STK3: variants seen among roughly 807,000 people sequenced by gnomAD.
The protein encoded by STK3 is serine/threonine kinase 3.
A neutral mutation model predicts 58.0 loss-of-function variants in STK3; 41 were observed. The observed-to-expected ratio is 0.71, with a 90% CI of 0.55 to 0.92. The LOEUF is 0.92. Ranked by LOEUF, STK3 falls within the 40% of genes least tolerant of loss-of-function variation. The pLI, the probability that STK3 is intolerant of heterozygous loss-of-function variation, is 0.00. For missense variants in STK3, 479 were observed against 602.7 expected, an observed-to-expected ratio of 0.79 and a Z score of 2.15; for synonymous variants, 170 against 191.0, an observed-to-expected ratio of 0.89 and a Z score of 0.91.
At chr8:98,440,507 C>T (rs1818650749) in intron 1 of STK3, among the ~76,000 whole-genome samples, 1 of 152,154 alleles carries the variant, frequency 6.6e-6, no homozygotes, top group Admixed American at 6.5e-5. Flanking sequence ...AATAGTTCCT[C>T]ATTCCCCAAT....
At chr8:98,905,411 G>A in intron 1 of STK3, 2 of 1,286,394 alleles carry the variant, frequency 1.6e-6, no homozygotes, top group Non-Finnish European at 2.3e-6. Context: ...TGGTACAAGT[G>A]GGACTGATGT....
At chr8:98,429,695 A>C in intron 3 of STK3, 2 of 404,382 alleles carry the variant, frequency 4.9e-6, no homozygotes, top group Non-Finnish European at 4.6e-6. Context: ...GTACACCCAG[A>C]ATGCTAATTT....
chr8:98,344,615 C>T, the STK3 span, among the ~76,000 whole-genome samples: 241 of 124,494 alleles, frequency 1.9e-3, no homozygotes, highest in African/African-American at 5.8e-3. Flanking sequence ...GACCCTCGGC[C>T]GGGCGCGGTG....
intron 1 of STK3, among the ~76,000 whole-genome samples, chr8:98,819,996 C>G (rs1007409187): frequency 1.6e-4 from 25 of 152,140 alleles, no homozygotes; most frequent in African/African-American, 5.8e-4. Context: ...ACAGATGCTA[C>G]AAGTTGATGT....
chr8:98,520,775 T>G (rs1825298964), intron 10 of STK3, among the ~76,000 whole-genome samples: 1 of 152,140 alleles, frequency 6.6e-6, no homozygotes, highest in South Asian at 2.1e-4. Flanking sequence ...TGAGTCATAT[T>G]TTTTAACATT....
At chr8:98,444,491 G>A (rs945402639) in intron 1 of STK3, among the ~76,000 whole-genome samples, 2 of 152,204 alleles carry the variant, frequency 1.3e-5, no homozygotes, top group African/African-American at 4.8e-5. Context: ...GTGATATTCT[G>A]GCAGGAGACA....
chr8:98,840,172 C>A (rs1316249600), intron 3 of STK3, among the ~76,000 whole-genome samples: 1 of 151,768 alleles, frequency 6.6e-6, no homozygotes, highest in South Asian at 2.1e-4. Context: ...CATGGTGAAA[C>A]CCCGTCTCTA....
At chr8:98,835,843 T>C (rs1219152357) in intron 3 of STK3, among the ~76,000 whole-genome samples, 1 of 152,186 alleles carries the variant, frequency 6.6e-6, no homozygotes, top group Non-Finnish European at 1.5e-5. Flanking sequence ...GAGTAGCTGT[T>C]ATTCCTGTTG....
At chr8:98,395,236 TA>T (rs920267921) in intron 3 of STK3, among the ~76,000 whole-genome samples, 231 of 147,012 alleles carry the variant, frequency 1.6e-3, no homozygotes, top group African/African-American at 4.1e-3. Context: ...GGCATCTGAT[TA>T]AAAAAAAAAA....
intron 10 of STK3, among the ~76,000 whole-genome samples, chr8:98,517,457 C>T (rs1001199476): frequency 3.0e-4 from 45 of 152,086 alleles, no homozygotes; most frequent in Middle Eastern, 3.4e-3. Flanking sequence ...AGTAGGCCAA[C>T]AAATATGATA....
At chr8:98,669,862 G>A (rs1396735173) in intron 6 of STK3, among the ~76,000 whole-genome samples, 1 of 152,178 alleles carries the variant, frequency 6.6e-6, no homozygotes, top group East Asian at 1.9e-4. Context: ...AAAGATTAAA[G>A]ATCCCTTTCA....
At chr8:98,667,198 T>G (rs1822430491) in intron 6 of STK3, among the ~76,000 whole-genome samples, 1 of 152,176 alleles carries the variant, frequency 6.6e-6, no homozygotes, top group African/African-American at 2.4e-5. Flanking sequence ...TAAACTCTTT[T>G]ACTCCAACAT....
At chr8:98,505,868 G>A (rs1361970200) in intron 10 of STK3, among the ~76,000 whole-genome samples, 1 of 152,200 alleles carries the variant, frequency 6.6e-6, no homozygotes, top group Non-Finnish European at 1.5e-5. Context: ...CCCACTTGAG[G>A]AGGCAGTCTG....
intron 1 of STK3, among the ~76,000 whole-genome samples, chr8:98,898,907 G>A (rs1338257083): frequency 6.6e-6 from 1 of 152,202 alleles, no homozygotes; most frequent in African/African-American, 2.4e-5. Context: ...GCCACAGCCA[G>A]TAACAAAATC....
intron 1 of STK3, among the ~76,000 whole-genome samples, chr8:98,933,597 G>A (rs953980354): frequency 2.6e-5 from 4 of 152,184 alleles, no homozygotes; most frequent in African/African-American, 7.2e-5. Flanking sequence ...GGCATGGGAA[G>A]CCCTTGGGGC....
At position 98,893,482 on chromosome 8, in the gene STK3, GAAAGAGAAAGAAAGAAAGAAAGAAAGAA is replaced by G. The variant is rs1564087238; in HGVS notation, c.-78-9676_-78-9649del. Among the ~76,000 whole-genome samples the G allele has an allele frequency of 1.4e-3, 80 of 56,474 alleles. 1 individual carries two copies. Among genetic ancestry groups the G allele is most frequent in the Non-Finnish European group, 2.1e-3 (62 of 30,226 alleles). 37.0% of individuals were successfully genotyped at this position (56,474 alleles called of 152,430 possible). On this transcript the variant is annotated intron_variant, in intron 1 of 1. Transcript: ENST00000519420. ...AGAAAGAAAGAAAGAAAGAAAGAAA[GAAAGAGAAAGAAAGAAAGAAAGAAAGAA>G]AGAAAGAAAGAAAGAAAGAAAGAAA... is the stretch of plus-strand genomic sequence containing the variant.
intron 10 of STK3, among the ~76,000 whole-genome samples, chr8:98,498,869 C>G (rs1472168469): frequency 6.6e-6 from 1 of 152,176 alleles, no homozygotes; most frequent in Non-Finnish European, 1.5e-5. Context: ...TTAAACCATG[C>G]AGTGAGCTGA....
chr8:98,484,388 C>G (rs774207285), intron 10 of STK3, among the ~76,000 whole-genome samples: 28 of 152,002 alleles, frequency 1.8e-4, no homozygotes, highest in Non-Finnish European at 4.0e-4. Context: ...TGAAAAAATT[C>G]AAACAATACC....
intron 6 of STK3, chr8:98,597,578 G>A (rs1254858769): frequency 1.0e-6 from 1 of 985,366 alleles, no homozygotes; most frequent in Non-Finnish European, 1.2e-6. Context: ...GCCAAATAGT[G>A]CCAGTGGACC....
Sources: allele counts gnomAD v4.1 joint callset (sites outside exome capture counted in the v4.1 genomes callset), GRCh38; gene constraint gnomAD v4.1.1; transcripts MANE v1.5; gene names NCBI Gene and HGNC (gene_info 2026-07-23, HGNC 2026-07-21).